The following BRIP1 variants were observed in gnomAD, a reference collection of about 807,000 sequenced individuals.
The protein encoded by BRIP1 is BRCA1 interacting DNA helicase 1.
Under a neutral mutation model 119.7 loss-of-function variants are expected in BRIP1, and 88 were observed. The observed-to-expected ratio is 0.74, with a 90% confidence interval of 0.62 to 0.88. The LOEUF (loss-of-function observed/expected upper bound fraction) is 0.88. BRIP1 is among the 40% of genes least tolerant of loss of function. The pLI is 0.00. For synonymous variants in BRIP1, 443 were observed against 496.5 expected, an observed-to-expected ratio of 0.89 and a Z score of 1.43; for missense variants, 1,259 against 1,455.4, an observed-to-expected ratio of 0.87 and a Z score of 2.20.
Position 61,856,718 on chromosome 17 carries a change from G to A in BRIP1, c.379+340C>T, listed in dbSNP as rs934788138. Among the ~76,000 whole-genome samples, 10 of 152,100 alleles carry A rather than the reference G, an allele frequency of 6.6e-5. No individual in the cohort carries two copies. The highest frequency in any genetic ancestry group is 2.1e-4 in the South Asian group (1 of 4,828). On this transcript the variant is annotated intron_variant, in intron 4 of 19. Transcript: ENST00000259008. This position sits in a 1 kb window ranked among gnomAD's most constrained non-coding sequence, Gnocchi z 5.1. ...GAATCAATGAGGCTAATTAGATTTC[G>A]TCTTAGGATACAAACATTGTTTTAT...
In BRIP1 at chr17:61,685,886, A is replaced by C. The variant is rs1060501735; in HGVS notation, c.2855T>G (p.Ile952Ser). 1 of 1,613,620 alleles carries C rather than the reference A, an allele frequency of 6.2e-7. No homozygotes were observed. The highest frequency in any genetic ancestry group is 8.5e-7 in the Non-Finnish European group (1 of 1,179,808). ...ACTTGGTAGAGGTGAATTTTTGGTA[A>C]TAATTTTAGGACACTGTAGTTCCTG... is the stretch of plus-strand genomic sequence containing the variant. ...CVQELQCPKI[I>S]TKNSPLPSSI... is the part of the protein sequence containing the mutation. The change falls in exon 19 of 20, where the codon ATT becomes AGT. Residue 952 changes from isoleucine (I) to serine (S), a missense_variant. Ile to Ser is a moderately radical substitution (Grantham distance 142, BLOSUM62 -2). Transcript: ENST00000259008.
rs576710826 is a variant in BRIP1 at position 61,734,518 on chromosome 17, A to G, written c.2379+8495T>C. Among the ~76,000 whole-genome samples the G allele has an allele frequency of 5.3e-5, 8 of 152,344 alleles. No homozygotes were observed. In the East Asian group the frequency reaches 1.3e-3, roughly 26 times the overall value. ...ATGCTTACCTTCAGAGTAGCCCATT[A>G]TCAACATTTCATAGTGGGTTTCTTT... On this transcript the variant is annotated intron_variant, in intron 16 of 19. Coordinates refer to ENST00000259008, the MANE Select transcript of BRIP1 (RefSeq NM_032043.3). The surrounding 1 kb of genome is among the most constrained non-coding windows in gnomAD (Gnocchi z 5.2).
Position 61,679,409 on chromosome 17 carries a change from T to G in BRIP1, c.*3887A>C, listed in dbSNP as rs2061249108. ...TCTACTCTTTACATTGTACCTTTAT[T>G]CCAAGAATAAAGCCCTGTCTCTAAC... On this transcript the variant is annotated 3_prime_UTR_variant, in exon 20 of 20. Coordinates refer to ENST00000259008, the MANE Select transcript of BRIP1 (RefSeq NM_032043.3). The surrounding 1 kb of genome is among the most constrained non-coding windows in gnomAD (Gnocchi z 4.4). Among the ~76,000 whole-genome samples the G allele has an allele frequency of 6.6e-6, 1 of 152,166 alleles. No homozygotes were observed. The highest frequency in any genetic ancestry group is 2.4e-5 in the African/African-American group (1 of 41,446).
chr17:61,730,755 G>T lies in BRIP1; in HGVS notation c.2379+12258C>A, dbSNP rs2076833894. 6.6e-6 allele frequency among the ~76,000 whole-genome samples: 1 copy of T among 152,054 alleles called. No individual in the cohort carries two copies. The highest frequency in any genetic ancestry group is 2.1e-4 in the South Asian group (1 of 4,824). On this transcript the variant is annotated intron_variant, in intron 16 of 19. Coordinates refer to ENST00000259008, the MANE Select transcript of BRIP1 (RefSeq NM_032043.3). The surrounding 1 kb of genome is among the most constrained non-coding windows in gnomAD (Gnocchi z 4.3). The stretch of plus-strand genomic sequence containing the variant: ...AAATACAATGACATGAGTATTAGGA[G>T]AAAAAGGTTATCAACCGAACTTGCT...
chr17:61,713,758 G>A lies in BRIP1; in HGVS notation c.2492+2193C>T, dbSNP rs757686318. Reference sequence around the variant, plus strand: ...GTTGCTATCGAACTCCTGACCTTAAGTGATCTGCCCACCTTGGCCTCCCAA... The same window carrying A: ...GTTGCTATCGAACTCCTGACCTTAAATGATCTGCCCACCTTGGCCTCCCAA... On this transcript the variant is annotated intron_variant, in intron 17 of 19. Coordinates refer to ENST00000259008, the MANE Select transcript of BRIP1 (RefSeq NM_032043.3). The surrounding 1 kb of genome is among the most constrained non-coding windows in gnomAD (Gnocchi z 4.9). Among the ~76,000 whole-genome samples the A allele has an allele frequency of 1.4e-4, 22 of 151,986 alleles. No homozygotes were observed. The highest frequency in any genetic ancestry group is 2.1e-4 in the Non-Finnish European group (14 of 68,006).
At position 61,759,179 on chromosome 17, in the gene BRIP1, A is replaced by G. The variant is rs538607391; in HGVS notation, c.2098-14588T>C. ...AAGAAGATCCAACTATATGCTGCCTACAAGAGATTTGCTTTTAAGGATGCA... is the reference window on the plus strand; with the variant it reads ...AAGAAGATCCAACTATATGCTGCCTGCAAGAGATTTGCTTTTAAGGATGCA... On this transcript the variant is annotated intron_variant, in intron 14 of 19. Transcript: ENST00000259008. This position sits in a 1 kb window ranked among gnomAD's most constrained non-coding sequence, Gnocchi z 4.9. Among the ~76,000 whole-genome samples, 8 of 152,222 alleles carry G rather than the reference A, an allele frequency of 5.3e-5. No individual in the cohort carries two copies. Among genetic ancestry groups the G allele is most frequent in the African/African-American group, 1.9e-4 (8 of 41,558 alleles).
chr17:61,753,989 C>T lies in BRIP1; in HGVS notation c.2098-9398G>A, dbSNP rs1055486330. Among the ~76,000 whole-genome samples the T allele has an allele frequency of 1.3e-5, 2 of 152,150 alleles. No individual in the cohort carries two copies. The highest frequency in any genetic ancestry group is 2.4e-5 in the African/African-American group (1 of 41,442). On this transcript the variant is annotated intron_variant, in intron 14 of 19. Coordinates refer to ENST00000259008, the MANE Select transcript of BRIP1 (RefSeq NM_032043.3). The surrounding 1 kb of genome is among the most constrained non-coding windows in gnomAD (Gnocchi z 4.6). ...CTTTTAAATTTATCTAGACTCTAAACATTTCTCACTATCTTTACTGCTACC... is the reference window on the plus strand; with the variant it reads ...CTTTTAAATTTATCTAGACTCTAAATATTTCTCACTATCTTTACTGCTACC...
At chr17:61,782,920 T>G (rs1005808258) in intron 11 of BRIP1, among the ~76,000 whole-genome samples, 7 of 152,196 alleles carry the variant, frequency 4.6e-5, no homozygotes, top group African/African-American at 1.7e-4. Context: ...TGTGTAGAAA[T>G]TGGAACCCTT....
Position 61,848,006 on chromosome 17 carries a change from C to T in BRIP1, c.508-786G>A, listed in dbSNP as rs1329440043. On this transcript the variant is annotated intron_variant, in intron 5 of 19. Coordinates refer to ENST00000259008, the MANE Select transcript of BRIP1 (RefSeq NM_032043.3). This position sits in a 1 kb window ranked among gnomAD's most constrained non-coding sequence, Gnocchi z 4.3. The stretch of plus-strand genomic sequence containing the variant: ...GTCATTGGTACTTTGATAAAATAAA[C>T]TAGTTCATTCTATTTCTAAAAACAA... Among the ~76,000 whole-genome samples, 1 of 152,058 alleles carries T rather than the reference C, an allele frequency of 6.6e-6. No homozygotes were observed. Among genetic ancestry groups the T allele is most frequent in the East Asian group, 1.9e-4 (1 of 5,194 alleles).
intron 13 of BRIP1, among the ~76,000 whole-genome samples, chr17:61,779,914 C>A (rs7214510): frequency 0.76 from 115,340 of 152,150 alleles, 44,100 homozygotes; most frequent in East Asian, 0.82. Flanking sequence ...GCACTCCAGC[C>A]TGGGCAACAG....
At chr17:61,821,449 A>G (rs1296888955) in intron 6 of BRIP1, among the ~76,000 whole-genome samples, 1 of 151,986 alleles carries the variant, frequency 6.6e-6, no homozygotes, top group Non-Finnish European at 1.5e-5. Flanking sequence ...AATCGGCCTT[A>G]GGTTCCCTGC....
chr17:61,727,520 A>G (rs902059032), intron 16 of BRIP1, among the ~76,000 whole-genome samples: 9 of 152,158 alleles, frequency 5.9e-5, no homozygotes, highest in Admixed American at 3.9e-4. Context: ...TAATCCCAGC[A>G]CTTTGGGAGG....
At chr17:61,786,930 TATATA>T (rs67254911) in intron 10 of BRIP1, among the ~76,000 whole-genome samples, 89,637 of 115,390 alleles carry the variant, frequency 0.78, 35,234 homozygotes, top group African/African-American at 0.85. Flanking sequence ...TATATATTTA[TATATA>T]ATATATTTAT....
In BRIP1 at chr17:61,679,840, CTCTA is replaced by C. The variant is rs1271529693; in HGVS notation, c.*3452_*3455del. ...AGTAATGAAAATGGCCTACATCCTA[CTCTA>C]TAAAGGCCAGTAGTTTACTTCTTGG... On this transcript the variant is annotated 3_prime_UTR_variant, in exon 20 of 20. Transcript: ENST00000259008. This position sits in a 1 kb window ranked among gnomAD's most constrained non-coding sequence, Gnocchi z 4.4. 1.4e-4 allele frequency among the ~76,000 whole-genome samples: 22 copies of C among 152,132 alleles called. No individual in the cohort carries two copies. The highest frequency in any genetic ancestry group is 5.3e-4 in the African/African-American group (22 of 41,424).
chr17:61,765,337 TATACAC>T, intron 14 of BRIP1, among the ~76,000 whole-genome samples: 1 of 121,724 alleles, frequency 8.2e-6, no homozygotes, highest in African/African-American at 3.1e-5. Flanking sequence ...CACATACACA[TATACAC>T]ATACATATGT....
In BRIP1 at chr17:61,851,707, G is replaced by A. The variant is rs1165547439; in HGVS notation, c.380-2451C>T. Reference sequence around the variant, plus strand: ...TTTGGTGGATCAAATCTCTCACCTTGACCTGCTTCTTCAAAAGCATCCTGG... The same window carrying A: ...TTTGGTGGATCAAATCTCTCACCTTAACCTGCTTCTTCAAAAGCATCCTGG... On this transcript the variant is annotated intron_variant, in intron 4 of 19. Coordinates refer to ENST00000259008, the MANE Select transcript of BRIP1 (RefSeq NM_032043.3). This position sits in a 1 kb window ranked among gnomAD's most constrained non-coding sequence, Gnocchi z 4.6. Among the ~76,000 whole-genome samples, 1 of 152,052 alleles carries A rather than the reference G, an allele frequency of 6.6e-6. No homozygotes were observed. Among genetic ancestry groups the A allele is most frequent in the African/African-American group, 2.4e-5 (1 of 41,398 alleles).
rs2024188 is a variant in BRIP1, at chr17:61,758,616, G to A, written c.2098-14025C>T. On this transcript the variant is annotated intron_variant, in intron 14 of 19. Transcript: ENST00000259008. The surrounding 1 kb of genome is among the most constrained non-coding windows in gnomAD (Gnocchi z 5.3). Reference sequence around the variant, plus strand: ...AAAGGCCTCAAGGCATACCACTACAGGAAACCATCAAATCACAAAGGAAGA... The same window carrying A: ...AAAGGCCTCAAGGCATACCACTACAAGAAACCATCAAATCACAAAGGAAGA... Among the ~76,000 whole-genome samples the A allele has an allele frequency of 0.2, 30,128 of 151,976 alleles. 3,831 individuals carry two copies. The highest frequency in any genetic ancestry group is 0.37 in the Admixed American group (5,567 of 15,240).
chr17:61,850,782 C>T (rs905089937), intron 4 of BRIP1, among the ~76,000 whole-genome samples: 4 of 151,348 alleles, frequency 2.6e-5, no homozygotes, highest in Admixed American at 1.3e-4. Flanking sequence ...GAGCTGAGAT[C>T]GCGCCATGCA....
rs1363504465 is a variant in BRIP1 at position 61,810,566 on chromosome 17, C to T, written c.628-1809G>A. On this transcript the variant is annotated intron_variant, in intron 6 of 19. Transcript: ENST00000259008. This position sits in a 1 kb window ranked among gnomAD's most constrained non-coding sequence, Gnocchi z 4.7. ...TACTAGAATGCTATGGCCCAATGCA[C>T]TGTTATGTACTATATAGATACATTC... Among the ~76,000 whole-genome samples the T allele has an allele frequency of 6.6e-6, 1 of 152,146 alleles. No individual in the cohort carries two copies. Among genetic ancestry groups the T allele is most frequent in the East Asian group, 1.9e-4 (1 of 5,202 alleles).
Sources: allele counts gnomAD v4.1 joint callset (sites outside exome capture counted in the v4.1 genomes callset), GRCh38; gene constraint gnomAD v4.1.1; non-coding constraint Gnocchi (gnomAD v3.1); transcripts MANE v1.5; gene names NCBI Gene and HGNC (gene_info 2026-07-23, HGNC 2026-07-21).